Variants in MACROD2 observed in about 807,000 individuals in gnomAD.
The protein encoded by MACROD2 is mono-ADP ribosylhydrolase 2.
In MACROD2, 36 loss-of-function variants were observed where a neutral mutation model predicts 70.4. The observed-to-expected ratio is 0.51, with a 90% CI of 0.39 to 0.68. MACROD2 has a LOEUF of 0.68. Ranked by LOEUF, MACROD2 falls within the 30% of genes least tolerant of loss-of-function variation. The pLI is 0.00. For synonymous variants in MACROD2, 172 were observed against 178.8 expected (o/e 0.96, Z 0.30); for missense variants, 496 against 538.4 (o/e 0.92, Z 0.78).
At chr20:15,380,762 T>G (rs767430072) in intron 6 of MACROD2, among the ~76,000 whole-genome samples, 27 of 152,212 alleles carry the variant, frequency 1.8e-4, no homozygotes, top group Non-Finnish European at 3.4e-4. Flanking sequence ...GTTAATAATT[T>G]CAACTTCAAA....
intron 3 of MACROD2, among the ~76,000 whole-genome samples, chr20:14,310,560 AC>A (rs2082558150): frequency 1.3e-5 from 2 of 152,228 alleles, no homozygotes; most frequent in African/African-American, 4.8e-5. Flanking sequence ...TATGTACAGT[AC>A]ATCATCCTTG....
chr20:15,275,445 C>A (rs1182063512), intron 6 of MACROD2, among the ~76,000 whole-genome samples: 1 of 152,150 alleles, frequency 6.6e-6, no homozygotes, highest in Non-Finnish European at 1.5e-5. Flanking sequence ...TGAAATATGG[C>A]AATGGATATC....
intron 3 of MACROD2, among the ~76,000 whole-genome samples, chr20:14,468,285 T>C (rs2084481467): frequency 6.6e-6 from 1 of 152,068 alleles, no homozygotes; most frequent in African/African-American, 2.4e-5. Flanking sequence ...TTTATGAATC[T>C]GGGTGCTCCT....
intron 5 of MACROD2, among the ~76,000 whole-genome samples, chr20:14,715,711 C>A (rs2071389825): frequency 6.6e-6 from 1 of 152,116 alleles, no homozygotes; most frequent in Admixed American, 6.6e-5. Flanking sequence ...GCCAGGATTA[C>A]CAGTTTTTAC....
intron 5 of MACROD2, among the ~76,000 whole-genome samples, chr20:15,165,192 A>G (rs6043120): frequency 0.023 from 3,494 of 152,320 alleles, 125 homozygotes; most frequent in African/African-American, 0.08. Flanking sequence ...ACGGTGGCTT[A>G]CGCCTGTAAT....
At chr20:15,357,165 A>G (rs1421216657) in intron 6 of MACROD2, among the ~76,000 whole-genome samples, 2 of 152,222 alleles carry the variant, frequency 1.3e-5, no homozygotes, top group Admixed American at 6.5e-5. Flanking sequence ...TTATCCAGCC[A>G]TGAGACTTTG....
intron 5 of MACROD2, among the ~76,000 whole-genome samples, chr20:15,140,640 T>C (rs2076184794): frequency 6.6e-6 from 1 of 152,132 alleles, no homozygotes; most frequent in African/African-American, 2.4e-5. Flanking sequence ...TGTTCTCTTT[T>C]CAGAAGTGAG....
At chr20:15,996,719 T>G (rs2066637154) in intron 15 of MACROD2, among the ~76,000 whole-genome samples, 1 of 152,166 alleles carries the variant, frequency 6.6e-6, no homozygotes, top group African/African-American at 2.4e-5. Flanking sequence ...GAATATCTGT[T>G]TATTTATTTT....
At chr20:15,167,864 G>A (rs1044603467) in intron 5 of MACROD2, among the ~76,000 whole-genome samples, 1 of 152,126 alleles carries the variant, frequency 6.6e-6, no homozygotes, top group African/African-American at 2.4e-5. Context: ...ATATTAGGTT[G>A]TATTCTTCTT....
chr20:14,034,203 T>C (rs889009497), intron 2 of MACROD2, among the ~76,000 whole-genome samples: 1 of 152,160 alleles, frequency 6.6e-6, no homozygotes, highest in Non-Finnish European at 1.5e-5. Flanking sequence ...TACGATCTCC[T>C]GACCTTGTGA....
At chr20:15,352,011 G>A (rs2078232568) in intron 6 of MACROD2, among the ~76,000 whole-genome samples, 2 of 152,128 alleles carry the variant, frequency 1.3e-5, no homozygotes, top group Non-Finnish European at 2.9e-5. Flanking sequence ...GAGAAAAAGA[G>A]ACTCTGTTAG....
intron 5 of MACROD2, among the ~76,000 whole-genome samples, chr20:14,780,824 A>G (rs112213929): frequency 6.6e-6 from 1 of 152,120 alleles, no homozygotes; most frequent in African/African-American, 2.4e-5. Context: ...CACAAAATCT[A>G]GGATCTTTAT....
intron 13 of MACROD2, among the ~76,000 whole-genome samples, chr20:15,983,426 A>G (rs962826113): frequency 6.6e-6 from 1 of 152,294 alleles, no homozygotes; most frequent in African/African-American, 2.4e-5. Context: ...ATACCACCAC[A>G]CATCTGCTTG....
chr20:15,613,729 T>G (rs932382168), intron 8 of MACROD2, among the ~76,000 whole-genome samples: 1 of 152,196 alleles, frequency 6.6e-6, no homozygotes, highest in Admixed American at 6.5e-5. Context: ...CTTCGAAATG[T>G]TTGTGGTTCC....
chr20:15,754,383 G>A (rs1429129333), intron 8 of MACROD2, among the ~76,000 whole-genome samples: 1 of 152,178 alleles, frequency 6.6e-6, no homozygotes, highest in Non-Finnish European at 1.5e-5. Context: ...AGCACTTTAG[G>A]AGGCCAAGGT....
intron 4 of MACROD2, among the ~76,000 whole-genome samples, chr20:14,602,105 G>C (rs1470000339): frequency 6.6e-6 from 1 of 152,260 alleles, no homozygotes; most frequent in South Asian, 2.1e-4. Context: ...AATTAGGCAT[G>C]TGGACACATT....
chr20:14,213,918 G>C (rs1018419114), intron 3 of MACROD2, among the ~76,000 whole-genome samples: 15 of 152,088 alleles, frequency 9.9e-5, no homozygotes, highest in Non-Finnish European at 1.9e-4. Flanking sequence ...ATAAAAGGAA[G>C]TGCATTTAAT....
intron 8 of MACROD2, among the ~76,000 whole-genome samples, chr20:15,749,512 G>A (rs1475140869): frequency 6.6e-6 from 1 of 151,966 alleles, no homozygotes; most frequent in Non-Finnish European, 1.5e-5. Context: ...AAATTTTACA[G>A]GAATCAAGGA....
chr20:14,784,678 G>GGA (rs1555829945), intron 5 of MACROD2, among the ~76,000 whole-genome samples: 1 of 134,710 alleles, frequency 7.4e-6, no homozygotes, highest in Non-Finnish European at 1.6e-5. Context: ...TGGGGGGGGG[G>GGA]GGGCACCAGA....
Sources: gnomAD v4.1 joint callset for allele counts (sites outside exome capture counted in the v4.1 genomes callset) on GRCh38, gnomAD v4.1.1 for gene constraint, MANE v1.5 for transcripts, NCBI Gene and HGNC (gene_info 2026-07-23, HGNC 2026-07-21) for gene names.